The following CDK14 variants were observed in gnomAD, a reference collection of about 807,000 sequenced individuals.
CDK14 encodes cyclin dependent kinase 14, also known as cyclin-dependent kinase 14.
Under a neutral mutation model 60.7 loss-of-function variants are expected in CDK14, and 34 were observed. That is an observed-to-expected ratio of 0.56 (90% confidence interval 0.43 to 0.75). The LOEUF (loss-of-function observed/expected upper bound fraction) is 0.75. CDK14 is among the 30% of genes least tolerant of loss of function. The pLI is 0.00. For synonymous variants in CDK14, 197 were observed against 203.7 expected (o/e 0.97, Z 0.28); for missense variants, 482 against 564.1 (o/e 0.85, Z 1.47).
chr7:90,653,070 AG>A (rs1800678039), intron 2 of CDK14, among the ~76,000 whole-genome samples: 1 of 152,164 alleles, frequency 6.6e-6, no homozygotes, highest in Non-Finnish European at 1.5e-5. Context: ...ACCAATGTGA[AG>A]AACTCAGGAG....
intron 8 of CDK14, among the ~76,000 whole-genome samples, chr7:90,921,813 A>C (rs965970316): frequency 4.6e-5 from 7 of 152,182 alleles, no homozygotes; most frequent in African/African-American, 1.7e-4. Context: ...TTCCCATCAG[A>C]GGTCTAAAAT....
chr7:90,984,538 A>G (rs1795322948), intron 10 of CDK14, among the ~76,000 whole-genome samples: 1 of 152,200 alleles, frequency 6.6e-6, no homozygotes, highest in South Asian at 2.1e-4. Flanking sequence ...TAATTGCTAT[A>G]TAGATACTCC....
intron 14 of CDK14, among the ~76,000 whole-genome samples, chr7:91,194,013 T>C (rs1802454409): frequency 6.6e-6 from 1 of 152,294 alleles, no homozygotes; most frequent in East Asian, 1.9e-4. Flanking sequence ...CTTATTTGAA[T>C]CGCCAATCTC....
At chr7:90,914,296 A>G (rs1369768056) in intron 7 of CDK14, among the ~76,000 whole-genome samples, 2 of 152,098 alleles carry the variant, frequency 1.3e-5, no homozygotes, top group Non-Finnish European at 1.5e-5. Context: ...AGCCAAATCA[A>G]TTCTTCTACT....
At chr7:90,839,021 A>G (rs1790205408) in intron 5 of CDK14, among the ~76,000 whole-genome samples, 1 of 152,174 alleles carries the variant, frequency 6.6e-6, no homozygotes, top group Admixed American at 6.5e-5. Flanking sequence ...GGTCCTACCA[A>G]TATGTGATGG....
intron 6 of CDK14, among the ~76,000 whole-genome samples, chr7:90,876,200 A>G (rs911888899): frequency 6.6e-6 from 1 of 152,160 alleles, no homozygotes; most frequent in African/African-American, 2.4e-5. Flanking sequence ...CAATGCCAGT[A>G]TCCGTCTTTC....
intron 10 of CDK14, among the ~76,000 whole-genome samples, chr7:91,005,950 T>G (rs1795969333): frequency 6.6e-6 from 1 of 152,240 alleles, no homozygotes; most frequent in South Asian, 2.1e-4. Flanking sequence ...GACTGTGGTT[T>G]AAGATCTGAC....
At chr7:91,097,010 G>C (rs1273592434) in intron 12 of CDK14, among the ~76,000 whole-genome samples, 1 of 152,038 alleles carries the variant, frequency 6.6e-6, no homozygotes, top group Admixed American at 6.6e-5. Context: ...TTTCACAAAA[G>C]GGAAAATGAA....
intron 4 of CDK14, among the ~76,000 whole-genome samples, chr7:90,779,085 C>G (rs1805189058): frequency 6.6e-6 from 1 of 151,978 alleles, no homozygotes; most frequent in African/African-American, 2.4e-5. Context: ...AACCCCGTCT[C>G]TACTACAGAT....
At chr7:91,096,065 CAAAAAAAAAAAA>C (rs112016367) in intron 12 of CDK14, among the ~76,000 whole-genome samples, 6 of 64,556 alleles carry the variant, frequency 9.3e-5, no homozygotes, top group Non-Finnish European at 1.1e-4. Flanking sequence ...CACAATTTGC[CAAAAAAAAAAAA>C]AAAAAAAAAA....
At chr7:91,084,873 CCATCCAGCTCATTAAGGAA>C (rs1448961628) in intron 12 of CDK14, among the ~76,000 whole-genome samples, 2 of 152,192 alleles carry the variant, frequency 1.3e-5, no homozygotes, top group African/African-American at 4.8e-5. Context: ...CTTCCTCCTG[CCATCCAGCTCATTAAGGAA>C]TAAAACCCAA....
At chr7:90,661,571 T>C (rs1800866849) in intron 2 of CDK14, among the ~76,000 whole-genome samples, 1 of 152,230 alleles carries the variant, frequency 6.6e-6, no homozygotes. Flanking sequence ...ATGCCTTCTG[T>C]GTCTGGTGGC....
intron 4 of CDK14, among the ~76,000 whole-genome samples, chr7:90,766,213 T>C (rs1050355737): frequency 6.6e-6 from 1 of 152,170 alleles, no homozygotes; most frequent in Non-Finnish European, 1.5e-5. Context: ...TTGTGAATTT[T>C]CTTCCTTGAT....
intron 2 of CDK14, among the ~76,000 whole-genome samples, chr7:90,673,207 G>C (rs1801131907): frequency 6.6e-6 from 1 of 152,158 alleles, no homozygotes; most frequent in Non-Finnish European, 1.5e-5. Flanking sequence ...AAGCTGTAGG[G>C]CTCTATGGCA....
chr7:91,046,855 C>G (rs1797252852), intron 11 of CDK14, among the ~76,000 whole-genome samples: 1 of 152,106 alleles, frequency 6.6e-6, no homozygotes, highest in South Asian at 2.1e-4. Context: ...TATTTTGCTT[C>G]TCTTCCCCTC....
chr7:90,932,030 AGTTT>A, intron 8 of CDK14, among the ~76,000 whole-genome samples: 1 of 152,342 alleles, frequency 6.6e-6, no homozygotes, highest in Admixed American at 6.5e-5. Flanking sequence ...CACAAAATAT[AGTTT>A]GTTGGATAAC....
At chr7:90,807,041 G>T (rs1402877146) in intron 5 of CDK14, among the ~76,000 whole-genome samples, 1 of 152,214 alleles carries the variant, frequency 6.6e-6, no homozygotes, top group Non-Finnish European at 1.5e-5. Flanking sequence ...ACCTCTGGGG[G>T]CAGGGCATAG....
chr7:90,924,159 G>C (rs966892616), intron 8 of CDK14, among the ~76,000 whole-genome samples: 1 of 152,214 alleles, frequency 6.6e-6, no homozygotes, highest in African/African-American at 2.4e-5. Flanking sequence ...TTTTGTGAGG[G>C]CCTTCTTGTT....
intron 14 of CDK14, among the ~76,000 whole-genome samples, chr7:91,168,874 T>C (rs1217686104): frequency 6.6e-6 from 1 of 152,178 alleles, no homozygotes; most frequent in African/African-American, 2.4e-5. Context: ...TCCAGAGTCA[T>C]AAAACAAGTT....
Sources: allele counts gnomAD v4.1 joint callset (sites outside exome capture counted in the v4.1 genomes callset), GRCh38; gene constraint gnomAD v4.1.1; transcripts MANE v1.5; gene names NCBI Gene and HGNC (gene_info 2026-07-23, HGNC 2026-07-21).